The following DNAH6 variants were observed in gnomAD, a reference collection of about 807,000 sequenced individuals.
DNAH6 encodes dynein axonemal heavy chain 6, also known as axonemal beta dynein heavy chain 6.
DNAH6 carries 340 observed loss-of-function variants against 491.4 expected under a neutral mutation model. The observed-to-expected ratio is 0.69, with a 90% CI of 0.63 to 0.76. The LOEUF (loss-of-function observed/expected upper bound fraction) is 0.76. Among genes scored for constraint, DNAH6 ranks in the 30% least tolerant of loss-of-function variants. DNAH6 has a pLI of 0.00. For synonymous variants in DNAH6, 1,603 were observed against 1,686.1 expected (o/e 0.95, Z 1.21); for missense variants, 4,443 against 4,972.2 (o/e 0.89, Z 3.20).
chr2:84,582,977 T>G (rs1683179737), intron 14 of DNAH6, among the ~76,000 whole-genome samples: 1 of 152,218 alleles, frequency 6.6e-6, no homozygotes, highest in Non-Finnish European at 1.5e-5. Flanking sequence ...TGGTTCAGCC[T>G]GTGGCCAGGA....
intron 5 of DNAH6, among the ~76,000 whole-genome samples, chr2:84,544,995 T>A (rs1232556534): frequency 6.6e-6 from 1 of 152,122 alleles, no homozygotes; most frequent in Non-Finnish European, 1.5e-5. Flanking sequence ...AACAGGGTGA[T>A]CATGAAAACA....
chr2:84,688,313 G>A, intron 44 of DNAH6, 126 bp from the exon 45 acceptor site: 1 of 693,726 alleles, frequency 1.4e-6, no homozygotes, highest in Non-Finnish European at 2.2e-6. Context: ...GAGCTCCTAT[G>A]TAAATTTTAT....
At chr2:84,794,222 C>A (rs895846037) in intron 68 of DNAH6, among the ~76,000 whole-genome samples, 1 of 152,168 alleles carries the variant, frequency 6.6e-6, no homozygotes, top group Non-Finnish European at 1.5e-5. Flanking sequence ...ACCATAAAAA[C>A]GCTAGAAGAA....
At chr2:84,729,605 C>T (rs543162705) in intron 61 of DNAH6, among the ~76,000 whole-genome samples, 1 of 152,312 alleles carries the variant, frequency 6.6e-6, no homozygotes. Flanking sequence ...TCCAGCACCA[C>T]CTACTTCTCA....
chr2:84,703,117 T>C (rs1231599990), intron 49 of DNAH6, among the ~76,000 whole-genome samples: 2 of 152,196 alleles, frequency 1.3e-5, no homozygotes, highest in African/African-American at 4.8e-5. Flanking sequence ...AACAGTACCA[T>C]GTGGTCCTTA....
At chr2:84,715,662 G>T in intron 58 of DNAH6, 35 bp downstream of exon 58, 2 of 1,503,408 alleles carry the variant, frequency 1.3e-6, no homozygotes, top group East Asian at 2.5e-5. Context: ...AGGGAAGGGG[G>T]TATTGTGGGT....
intron 15 of DNAH6, among the ~76,000 whole-genome samples, chr2:84,585,483 C>G (rs1683443984): frequency 6.6e-6 from 1 of 152,150 alleles, no homozygotes; most frequent in Non-Finnish European, 1.5e-5. Context: ...CAGTGGGTAG[C>G]TGCTCTCTAG....
At chr2:84,710,881 A>G (rs1402100502) in intron 56 of DNAH6, among the ~76,000 whole-genome samples, 1 of 151,988 alleles carries the variant, frequency 6.6e-6, no homozygotes, top group Non-Finnish European at 1.5e-5. Flanking sequence ...GAGGAAGAAG[A>G]AGGGAGGGCA....
chr2:84,645,373 T>G (rs1689796097), intron 33 of DNAH6, among the ~76,000 whole-genome samples: 1 of 152,202 alleles, frequency 6.6e-6, no homozygotes, highest in Admixed American at 6.5e-5. Context: ...AAGCCGAGAT[T>G]GTGCCATTGC....
intron 64 of DNAH6, chr2:84,777,724 C>T: frequency 1.2e-6 from 1 of 832,610 alleles, no homozygotes; most frequent in Non-Finnish European, 2.1e-6. Context: ...CCAGCCCTTC[C>T]CCCATCAGGT....
At chr2:84,528,296 A>G (rs1300727909) in intron 3 of DNAH6, among the ~76,000 whole-genome samples, 3 of 152,190 alleles carry the variant, frequency 2.0e-5, no homozygotes, top group Non-Finnish European at 4.4e-5. Context: ...TTGCATTTTA[A>G]TAAGAAACTC....
chr2:84,638,080 A>C lies in DNAH6; in HGVS notation c.4821+703A>C, dbSNP rs554621736. 1.9e-3 allele frequency among the ~76,000 whole-genome samples: 289 copies of C among 152,272 alleles called. 1 individual carries two copies. Among genetic ancestry groups the C allele is most frequent in the Non-Finnish European group, 3.0e-3 (203 of 68,014 alleles). Reference sequence around the variant, plus strand: ...TCCCGTCCCTACCAAAAATATAAAAATTAGCCAGTCTCATAACCCAGTCTC... The same window carrying C: ...TCCCGTCCCTACCAAAAATATAAAACTTAGCCAGTCTCATAACCCAGTCTC... On this transcript the variant is annotated intron_variant, in intron 31 of 76. Coordinates refer to ENST00000389394, the MANE Select transcript of DNAH6 (RefSeq NM_001370.2).
chr2:84,717,810 A>C (rs767719662), intron 58 of DNAH6, among the ~76,000 whole-genome samples: 1 of 152,230 alleles, frequency 6.6e-6, no homozygotes, highest in Non-Finnish European at 1.5e-5. Flanking sequence ...AGAATCTGCC[A>C]TGTTGGTACA....
intron 53 of DNAH6, 31 bp downstream of exon 53, chr2:84,707,050 G>A (rs1207569162): frequency 6.7e-7 from 1 of 1,490,756 alleles, no homozygotes; most frequent in Non-Finnish European, 8.9e-7. Flanking sequence ...ACATTGGCCA[G>A]GAAATGCCTG....
chr2:84,787,418 T>A, intron 68 of DNAH6, 116 bp downstream of exon 68: 2 of 721,964 alleles, frequency 2.8e-6, no homozygotes, highest in South Asian at 4.1e-5. Flanking sequence ...GTGGTGATGA[T>A]GATATTTTAT....
intron 64 of DNAH6, among the ~76,000 whole-genome samples, chr2:84,763,955 T>A (rs1316021803): frequency 2.0e-5 from 3 of 152,130 alleles, no homozygotes; most frequent in African/African-American, 7.2e-5. Context: ...AAAAAACCGA[T>A]GTTCCTGCTT....
chr2:84,765,964 T>C (rs1251986844), intron 64 of DNAH6, among the ~76,000 whole-genome samples: 1 of 152,060 alleles, frequency 6.6e-6, no homozygotes, highest in Non-Finnish European at 1.5e-5. Flanking sequence ...AAAGATTTTA[T>C]TAAGGATTAA....
chr2:84,708,164 G>A (rs914456279), intron 54 of DNAH6, among the ~76,000 whole-genome samples: 8 of 152,130 alleles, frequency 5.3e-5, no homozygotes, highest in Non-Finnish European at 8.8e-5. Context: ...TCAGCTGGGT[G>A]CGGTGGCTCA....
intron 4 of DNAH6, among the ~76,000 whole-genome samples, chr2:84,535,041 A>C (rs957622077): frequency 6.6e-6 from 1 of 151,868 alleles, no homozygotes; most frequent in Non-Finnish European, 1.5e-5. Flanking sequence ...GAGTGTAATT[A>C]ATGTTTATTT....
Sources: gnomAD v4.1 joint callset for allele counts (sites outside exome capture counted in the v4.1 genomes callset) on GRCh38, gnomAD v4.1.1 for gene constraint, MANE v1.5 for transcripts, NCBI Gene and HGNC (gene_info 2026-07-23, HGNC 2026-07-21) for gene names.